DNAI7: variants seen among roughly 807,000 people sequenced by gnomAD.
DNAI7 encodes the protein cancer susceptibility 1.
In DNAI7, 78 loss-of-function variants were observed where a neutral mutation model predicts 86.6. That is an observed-to-expected ratio of 0.90 (90% CI 0.75 to 1.09). The LOEUF is 1.09. Ranked by LOEUF, DNAI7 falls within the 50% of genes least tolerant of loss-of-function variation. The pLI is 0.00. For missense variants in DNAI7, 753 were observed against 810.2 expected (o/e 0.93, Z 0.86); for synonymous variants, 274 against 273.0 (o/e 1.00, Z -0.04).
intron 6 of DNAI7, among the ~76,000 whole-genome samples, chr12:25,151,714 T>C (rs1945566849): frequency 6.6e-6 from 1 of 152,224 alleles, no homozygotes; most frequent in Non-Finnish European, 1.5e-5. Context: ...GGCATTTAAA[T>C]AGCTCAGACT....
At chr12:25,181,601 C>A (rs796435354) in intron 2 of DNAI7, among the ~76,000 whole-genome samples, 5 of 152,080 alleles carry the variant, frequency 3.3e-5, no homozygotes, top group African/African-American at 7.2e-5. Context: ...AGTCAACAGA[C>A]AACCTACAAA....
rs73286885 is a variant in DNAI7 at position 25,185,857 on chromosome 12, C to G, written c.21+4757G>C. On this transcript the variant is annotated intron_variant, in intron 2 of 15. Transcript: ENST00000395987. ...CCCCCTTTTGCCCATTCATTACAGT[C>G]CCATTCCTGGGGGTAGTTGAGCATG... is the stretch of plus-strand genomic sequence containing the variant. The G allele has an allele frequency of 8.0e-3, 3,318 of 414,854 alleles. 87 individuals carry two copies. The highest frequency in any genetic ancestry group is 0.068 in the African/African-American group (3,130 of 46,202). The allele number at this position is 414,854 out of a possible 1,614,324, so 25.7% of individuals were successfully genotyped here. A position where few individuals can be genotyped will look rare whatever the true frequency, so the allele number is the denominator to read the frequency against.
At chr12:25,128,426 C>T (rs944534596) in intron 9 of DNAI7, among the ~76,000 whole-genome samples, 4 of 152,150 alleles carry the variant, frequency 2.6e-5, no homozygotes, top group African/African-American at 7.2e-5. Context: ...CAAATATAAG[C>T]TAGTGATGCT....
intron 14 of DNAI7, 29 bp from the exon 15 acceptor site, chr12:25,110,269 T>G: frequency 8.0e-7 from 1 of 1,254,950 alleles, no homozygotes; most frequent in East Asian, 2.3e-5. Context: ...ATAGAATTGA[T>G]CTTTGAGCCT....
At chr12:25,161,092 G>A (rs375087283) in intron 3 of DNAI7, 21 bp downstream of exon 3, 150 of 1,572,448 alleles carry the variant, frequency 9.5e-5, no homozygotes, top group Non-Finnish European at 5.3e-5. Flanking sequence ...TAGGTAAATA[G>A]TATCACTATT....
At chr12:25,170,795 G>A (rs557289748) in intron 2 of DNAI7, among the ~76,000 whole-genome samples, 41 of 152,172 alleles carry the variant, frequency 2.7e-4, no homozygotes, top group Non-Finnish European at 5.4e-4. Flanking sequence ...ACACCAAAGT[G>A]GAATAAAACT....
rs943378454 is a variant in DNAI7, at chr12:25,129,877, C to T, written c.1003-6591G>A. 2.0e-5 allele frequency among the ~76,000 whole-genome samples: 3 copies of T among 152,064 alleles called. No homozygotes were observed. The South Asian group carries it at 6.2e-4, about 32-fold the overall frequency. ...TCCCAGGTTCAAGTGATTCTCCTGCCTCAGCCTCTTGAGTGGCTGGGATTA... is the reference window on the plus strand; with the variant it reads ...TCCCAGGTTCAAGTGATTCTCCTGCTTCAGCCTCTTGAGTGGCTGGGATTA... On this transcript the variant is annotated intron_variant, in intron 9 of 15. Coordinates refer to ENST00000395987, the MANE Select transcript of DNAI7 (RefSeq NM_018272.5).
chr12:25,122,467 AAG>A (rs1457165349), intron 10 of DNAI7, among the ~76,000 whole-genome samples: 9 of 144,186 alleles, frequency 6.2e-5, no homozygotes, highest in African/African-American at 2.3e-4. Flanking sequence ...AAAAAAAAAA[AAG>A]AAGGAGAAGA....
At chr12:25,149,887 TA>T in intron 6 of DNAI7, 113 bp from the exon 7 acceptor site, 1 of 604,662 alleles carries the variant, frequency 1.7e-6, no homozygotes, top group South Asian at 2.5e-5. Context: ...GCAAAACATA[TA>T]GAAACCTTTC....
At chr12:25,131,262 C>A (rs1942890735) in intron 9 of DNAI7, among the ~76,000 whole-genome samples, 1 of 151,804 alleles carries the variant, frequency 6.6e-6, no homozygotes, top group Admixed American at 6.6e-5. Context: ...CTAATTTATA[C>A]ACATAGACAA....
intron 13 of DNAI7, 34 bp downstream of exon 13, chr12:25,114,622 A>T (rs1438579639): frequency 7.0e-7 from 1 of 1,421,616 alleles, no homozygotes; most frequent in East Asian, 2.3e-5. Flanking sequence ...TACCTCTGAT[A>T]CGATAGTACA....
intron 9 of DNAI7, among the ~76,000 whole-genome samples, chr12:25,138,437 T>C (rs980776367): frequency 6.6e-6 from 1 of 152,160 alleles, no homozygotes; most frequent in African/African-American, 2.4e-5. Flanking sequence ...CACTCCAGCC[T>C]GGCAACAGAG....
intron 13 of DNAI7, among the ~76,000 whole-genome samples, chr12:25,112,222 A>G (rs1011067263): frequency 2.0e-5 from 3 of 152,196 alleles, no homozygotes; most frequent in African/African-American, 7.2e-5. Flanking sequence ...ATTGTAATAT[A>G]AGAATATGCA....
At chr12:25,158,844 T>C (rs575991721) in intron 3 of DNAI7, 6 of 375,966 alleles carry the variant, frequency 1.6e-5, no homozygotes, top group Admixed American at 4.3e-5. Flanking sequence ...GAAAAAATGT[T>C]CATCACCACT....
intron 13 of DNAI7, among the ~76,000 whole-genome samples, chr12:25,113,938 GT>G (rs112532652): frequency 8.5e-5 from 7 of 82,812 alleles, no homozygotes; most frequent in African/African-American, 3.4e-4. Flanking sequence ...TTCTTTCTGG[GT>G]TTTTTTTTTT....
chr12:25,184,988 G>T (rs1045530216), intron 2 of DNAI7, among the ~76,000 whole-genome samples: 1 of 147,276 alleles, frequency 6.8e-6, no homozygotes. Context: ...AAAAAAGAAA[G>T]AAAAAGAAAT....
At chr12:25,183,952 T>C (rs1032955879) in intron 2 of DNAI7, among the ~76,000 whole-genome samples, 1 of 152,196 alleles carries the variant, frequency 6.6e-6, no homozygotes, top group Non-Finnish European at 1.5e-5. Context: ...AGAAGTTATA[T>C]ACTGTGTAAT....
chr12:25,130,515 C>A (rs1204786911), intron 9 of DNAI7, among the ~76,000 whole-genome samples: 1 of 151,184 alleles, frequency 6.6e-6, no homozygotes, highest in East Asian at 1.9e-4. Context: ...CCGGCCTGGG[C>A]GAAAGAGCGA....
At chr12:25,178,019 T>C (rs1042910289) in intron 2 of DNAI7, among the ~76,000 whole-genome samples, 3 of 152,208 alleles carry the variant, frequency 2.0e-5, no homozygotes, top group African/African-American at 4.8e-5. Context: ...ATCTTCCAGA[T>C]TGAGCCTGGT....
Sources: gnomAD v4.1 joint callset for allele counts (sites outside exome capture counted in the v4.1 genomes callset) on GRCh38, gnomAD v4.1.1 for gene constraint, MANE v1.5 for transcripts, NCBI Gene and HGNC (gene_info 2026-07-23, HGNC 2026-07-21) for gene names.